SLC16A4: variants seen among roughly 807,000 people sequenced by gnomAD.
SLC16A4 encodes probable monocarboxylate transporter 5.
SLC16A4 carries 39 observed loss-of-function variants against 47.9 expected under a neutral mutation model. The ratio of observed to expected loss-of-function variants is 0.81; its 90% CI spans 0.63 to 1.06. The LOEUF (loss-of-function observed/expected upper bound fraction) is 1.06. Among genes scored for constraint, SLC16A4 ranks in the 50% least tolerant of loss-of-function variants. SLC16A4 has a pLI of 0.00. For synonymous variants in SLC16A4, 189 were observed against 199.9 expected, an observed-to-expected ratio of 0.95 and a Z score of 0.46; for missense variants, 524 against 573.8, an observed-to-expected ratio of 0.91 and a Z score of 0.89.
chr1:110,374,256 G>T (rs1557904933), intron 8 of SLC16A4, among the ~76,000 whole-genome samples: 1 of 152,036 alleles, frequency 6.6e-6, no homozygotes, highest in Non-Finnish European at 1.5e-5. Flanking sequence ...GGCCAGGCTG[G>T]TCTCGAACTC....
chr1:110,390,718 C>T (rs1003930297), intron 1 of SLC16A4, 147 bp downstream of exon 1: 5 of 152,150 alleles, frequency 3.3e-5, no homozygotes, highest in East Asian at 1.9e-4. Flanking sequence ...TTTCCCCTGT[C>T]GGGTCGAAGG....
At chr1:110,365,290 ACCCTCC>A (rs907681610) in intron 8 of SLC16A4, among the ~76,000 whole-genome samples, 61 of 150,796 alleles carry the variant, frequency 4.0e-4, no homozygotes, top group African/African-American at 1.4e-3. Context: ...TGTAGAGTAT[ACCCTCC>A]CCCACCTTTT....
chr1:110,379,287 TGGATGGGTCTTAAGAGCATACTA>T lies in SLC16A4; in HGVS notation c.573_595del (p.Ser192TyrfsTer4). 6.2e-7 allele frequency: 1 copy of T among 1,614,124 alleles called. No individual in the cohort carries two copies. The highest frequency in any genetic ancestry group is 8.5e-7 in the Non-Finnish European group (1 of 1,179,976). ...ACCAGAATTGTTCTCACTTTTGATA[TGGATGGGTCTTAAGAGCATACTA>T]GAAGGCACCAAATTCAATGCGATAG... On this transcript the variant is annotated frameshift_variant, in exon 6 of 9. Coordinates refer to ENST00000369779, the MANE Select transcript of SLC16A4 (RefSeq NM_004696.3). LOFTEE classifies it high-confidence loss of function.
intron 2 of SLC16A4, among the ~76,000 whole-genome samples, chr1:110,385,618 C>T (rs1393244512): frequency 1.3e-5 from 2 of 152,174 alleles, no homozygotes; most frequent in Non-Finnish European, 2.9e-5. Flanking sequence ...TCCCTCAGCC[C>T]CTGCTTTTAA....
chr1:110,382,999 T>C, intron 2 of SLC16A4, 33 bp from the exon 3 acceptor site: 1 of 1,554,998 alleles, frequency 6.4e-7, no homozygotes, highest in Non-Finnish European at 8.7e-7. Context: ...CCAACTCAGG[T>C]GGTAAGTGAG....
Position 110,382,818 on chromosome 1 carries a change from A to G in SLC16A4, c.220+16T>C, listed in dbSNP as rs372021952. The G allele has an allele frequency of 6.4e-7, 1 of 1,561,716 alleles. No individual in the cohort carries two copies. The highest frequency in any genetic ancestry group is 1.4e-5 in the African/African-American group (1 of 73,578). ...GTTCTTCTCCTTAGACAGCAAGCTT[A>G]TTGCCAGCTTTATACCTGCACAAAA... On this transcript the variant is annotated intron_variant, in intron 3 of 8. Coordinates refer to ENST00000369779, the MANE Select transcript of SLC16A4 (RefSeq NM_004696.3).
At chr1:110,378,498 T>G (rs1662146334) in intron 6 of SLC16A4, among the ~76,000 whole-genome samples, 1 of 152,222 alleles carries the variant, frequency 6.6e-6, no homozygotes, top group Admixed American at 6.5e-5. Context: ...CACTGCACTG[T>G]GCTGTCTACC....
chr1:110,389,113 T>G, intron 2 of SLC16A4, 124 bp downstream of exon 2: 1 of 871,782 alleles, frequency 1.1e-6, no homozygotes, highest in Non-Finnish European at 1.9e-6. Context: ...GCCTTGTTCC[T>G]GCCCACCCCT....
intron 8 of SLC16A4, among the ~76,000 whole-genome samples, chr1:110,364,457 C>T (rs1257376632): frequency 6.7e-6 from 1 of 149,264 alleles, no homozygotes; most frequent in African/African-American, 2.5e-5. Flanking sequence ...TGCTTGATCA[C>T]GTGGGTTAAA....
chr1:110,388,578 A>G (rs567006154), intron 2 of SLC16A4, among the ~76,000 whole-genome samples: 1 of 152,306 alleles, frequency 6.6e-6, no homozygotes, highest in South Asian at 2.1e-4. Context: ...TCCCAGTGCT[A>G]CTTTTGGGAT....
intron 2 of SLC16A4, among the ~76,000 whole-genome samples, chr1:110,388,852 A>C (rs753674350): frequency 9.9e-5 from 15 of 152,236 alleles, no homozygotes; most frequent in Non-Finnish European, 1.8e-4. Context: ...CTGGGACTAC[A>C]GGTGCATGCC....
chr1:110,385,870 C>G (rs1412093951), intron 2 of SLC16A4, among the ~76,000 whole-genome samples: 1 of 152,224 alleles, frequency 6.6e-6, no homozygotes. Context: ...TAATTTTCCT[C>G]TAAGGCACTT....
At chr1:110,364,763 G>A (rs1661287235) in intron 8 of SLC16A4, among the ~76,000 whole-genome samples, 1 of 151,950 alleles carries the variant, frequency 6.6e-6, no homozygotes, top group African/African-American at 2.4e-5. Flanking sequence ...CGCCTACCTC[G>A]GCCTCCCAAA....
At chr1:110,383,817 T>TG (rs1662578388) in intron 2 of SLC16A4, among the ~76,000 whole-genome samples, 4 of 59,950 alleles carry the variant, frequency 6.7e-5, no homozygotes, top group Non-Finnish European at 1.6e-4. Flanking sequence ...TTTTTTTTTT[T>TG]TTTTTTTTTT....
chr1:110,379,518 G>A (rs2946571), intron 5 of SLC16A4, among the ~76,000 whole-genome samples, 162 bp from the exon 6 acceptor site: 61,045 of 151,776 alleles, frequency 0.4, 14,466 homozygotes, highest in African/African-American at 0.65. Context: ...TGCTGTATCC[G>A]TGTAATAATG....
rs1557911301 is a variant in SLC16A4, at chr1:110,381,156, CG to C, written c.365-14del. On this transcript the variant is annotated splice_polypyrimidine_tract_variant and intron_variant, in intron 4 of 8. Coordinates refer to ENST00000369779, the MANE Select transcript of SLC16A4 (RefSeq NM_004696.3). Reference sequence around the variant, plus strand: ...GCAGAACCCAAACCTAAAAGAAAAACGTAATAGTTTAGAATCACTCTTACAT... The same window carrying C: ...GCAGAACCCAAACCTAAAAGAAAAACTAATAGTTTAGAATCACTCTTACAT... The C allele has an allele frequency of 1.2e-6, 2 of 1,612,440 alleles. No individual in the cohort carries two copies. Among genetic ancestry groups the C allele is most frequent in the Non-Finnish European group, 8.5e-7 (1 of 1,178,846 alleles).
Position 110,363,209 on chromosome 1 carries a change from A to T in SLC16A4, c.*557T>A, listed in dbSNP as rs1484224280. 6.6e-6 allele frequency: 1 copy of T among 152,248 alleles called. No homozygotes were observed. The highest frequency in any genetic ancestry group is 1.5e-5 in the Non-Finnish European group (1 of 68,044). 9.4% of individuals were successfully genotyped at this position (152,248 alleles called of 1,614,324 possible). A position where few individuals can be genotyped will look rare whatever the true frequency, so the allele number is the denominator to read the frequency against. On this transcript the variant is annotated 3_prime_UTR_variant, in exon 9 of 9. Transcript: ENST00000369779. ...TTATGGTACATTCCGATTTCTATTTAATACATAAGGTACCTGATTAAAATT... is the reference window on the plus strand; with the variant it reads ...TTATGGTACATTCCGATTTCTATTTTATACATAAGGTACCTGATTAAAATT...
chr1:110,380,175 A>G (rs12403693), intron 5 of SLC16A4, among the ~76,000 whole-genome samples: 13,058 of 152,048 alleles, frequency 0.086, 693 homozygotes, highest in Admixed American at 0.16. Flanking sequence ...GGAGCTGAAT[A>G]GTTGCTTGCA....
At chr1:110,389,843 A>G (rs1405468574) in intron 1 of SLC16A4, among the ~76,000 whole-genome samples, 2 of 152,176 alleles carry the variant, frequency 1.3e-5, no homozygotes, top group Non-Finnish European at 2.9e-5. Flanking sequence ...TGGGAGCTAA[A>G]AATTGGGTAC....
Sources: allele counts gnomAD v4.1 joint callset (sites outside exome capture counted in the v4.1 genomes callset), GRCh38; gene constraint gnomAD v4.1.1; transcripts MANE v1.5; gene names NCBI Gene and HGNC (gene_info 2026-07-23, HGNC 2026-07-21).